The following ZNF277 variants were observed in gnomAD, a reference collection of about 807,000 sequenced individuals.
The protein encoded by ZNF277 is nuclear receptor-interacting factor 4.
Under a neutral mutation model 60.7 loss-of-function variants are expected in ZNF277, and 55 were observed. The observed-to-expected ratio is 0.91, with a 90% CI of 0.73 to 1.13. ZNF277 has a LOEUF of 1.13. ZNF277 is among the 50% of genes most tolerant of loss of function. The pLI is 0.00. For synonymous variants in ZNF277, 178 were observed against 179.3 expected (o/e 0.99, Z 0.06); for missense variants, 510 against 523.0 (o/e 0.98, Z 0.24).
chr7:112,316,477 G>C (rs1013978072), intron 4 of ZNF277, among the ~76,000 whole-genome samples: 2 of 151,918 alleles, frequency 1.3e-5, no homozygotes, highest in African/African-American at 4.8e-5. Context: ...TTGTCAGATG[G>C]ATAGATTGCA....
At chr7:112,246,005 C>T (rs1050065112) in intron 1 of ZNF277, among the ~76,000 whole-genome samples, 2 of 152,128 alleles carry the variant, frequency 1.3e-5, no homozygotes, top group Non-Finnish European at 2.9e-5. Flanking sequence ...GGAAAGTCTT[C>T]TGTTTTCCTT....
At chr7:112,267,645 C>T (rs564102272) in intron 1 of ZNF277, among the ~76,000 whole-genome samples, 3 of 152,266 alleles carry the variant, frequency 2.0e-5, no homozygotes, top group African/African-American at 7.2e-5. Context: ...TAAACATCCC[C>T]TTCATTTTCT....
intron 1 of ZNF277, among the ~76,000 whole-genome samples, chr7:112,246,051 G>A (rs1418731857): frequency 6.6e-6 from 1 of 152,078 alleles, no homozygotes; most frequent in African/African-American, 2.4e-5. Context: ...GAATGTCCAG[G>A]TAGTTCTCAA....
chr7:112,287,340 A>C, intron 2 of ZNF277: 1 of 382,020 alleles, frequency 2.6e-6, no homozygotes, highest in Non-Finnish European at 4.7e-6. Context: ...ATACCATTGC[A>C]CTCCAGCCTG....
intron 1 of ZNF277, among the ~76,000 whole-genome samples, chr7:112,226,162 C>T (rs1024153507): frequency 6.6e-6 from 1 of 152,150 alleles, no homozygotes; most frequent in African/African-American, 2.4e-5. Flanking sequence ...CCAAACAGTT[C>T]CATCTGTAAA....
chr7:112,295,780 A>G, intron 2 of ZNF277, 89 bp from the exon 3 acceptor site: 1 of 999,220 alleles, frequency 1.0e-6, no homozygotes, highest in Non-Finnish European at 1.5e-6. Context: ...TTGCTTTGGG[A>G]TGAGTGAATG....
intron 1 of ZNF277, among the ~76,000 whole-genome samples, chr7:112,236,214 A>G (rs1428351431): frequency 6.6e-6 from 1 of 152,106 alleles, no homozygotes; most frequent in African/African-American, 2.4e-5. Context: ...TATCTTTGAC[A>G]TAACCTGCTG....
At chr7:112,289,780 A>G (rs1359042879) in intron 2 of ZNF277, among the ~76,000 whole-genome samples, 1 of 152,088 alleles carries the variant, frequency 6.6e-6, no homozygotes, top group Non-Finnish European at 1.5e-5. Context: ...GCTGGAGTGC[A>G]GTGGCACGAC....
rs770795222 is a variant in ZNF277, at chr7:112,330,068, T to C, written c.669-16T>C. 11 of 1,602,894 alleles carry C rather than the reference T, an allele frequency of 6.9e-6. No individual in the cohort carries two copies. The highest frequency in any genetic ancestry group is 9.3e-6 in the Non-Finnish European group (11 of 1,176,858). ...TACAAGAGACTTGTTTATCAGTGTTTGTGTATTTCTTGTAGTTTGCAGTGC... is the reference window on the plus strand; with the variant it reads ...TACAAGAGACTTGTTTATCAGTGTTCGTGTATTTCTTGTAGTTTGCAGTGC... On this transcript the variant is annotated splice_polypyrimidine_tract_variant and intron_variant, in intron 6 of 11. Transcript: ENST00000361822.
chr7:112,273,085 C>T (rs912345193), intron 1 of ZNF277, among the ~76,000 whole-genome samples: 1 of 152,218 alleles, frequency 6.6e-6, no homozygotes, highest in African/African-American at 2.4e-5. Context: ...CACTGGGTCA[C>T]ATGCTCCCCA....
chr7:112,274,688 G>T (rs982494131), intron 1 of ZNF277, among the ~76,000 whole-genome samples: 2 of 152,108 alleles, frequency 1.3e-5, no homozygotes, highest in Admixed American at 6.5e-5. Flanking sequence ...TCAGATAGGT[G>T]ATTTACAATT....
At chr7:112,317,481 G>C (rs977645131) in intron 4 of ZNF277, among the ~76,000 whole-genome samples, 1 of 152,050 alleles carries the variant, frequency 6.6e-6, no homozygotes, top group Admixed American at 6.6e-5. Context: ...ATCTTGATTA[G>C]CAGATAAGAT....
At chr7:112,206,850 T>A in intron 1 of ZNF277, 43 bp downstream of exon 1, 1 of 1,590,500 alleles carries the variant, frequency 6.3e-7, no homozygotes. Context: ...TGTCTTCCTT[T>A]CTCTATGACC....
intron 1 of ZNF277, among the ~76,000 whole-genome samples, chr7:112,274,066 T>C (rs1329140210): frequency 6.6e-6 from 1 of 151,446 alleles, no homozygotes; most frequent in African/African-American, 2.4e-5. Context: ...TATATCTTGT[T>C]AGAAAAGTTT....
intron 1 of ZNF277, among the ~76,000 whole-genome samples, chr7:112,224,460 A>G (rs1199957388): frequency 6.6e-6 from 1 of 152,260 alleles, no homozygotes; most frequent in African/African-American, 2.4e-5. Flanking sequence ...TTCCTAATAC[A>G]ACATGGAAAA....
At chr7:112,282,913 C>T (rs1479690804) in intron 1 of ZNF277, among the ~76,000 whole-genome samples, 1 of 152,184 alleles carries the variant, frequency 6.6e-6, no homozygotes, top group Non-Finnish European at 1.5e-5. Context: ...GAATCTCCTT[C>T]ATAGGGTTAT....
rs1320544003 is a variant in ZNF277, at chr7:112,343,593, C to A, written c.*864C>A. Reference sequence around the variant, plus strand: ...AGAATATCACTTTTGTAGATTTATACCAAAAATGCATAATTTGGATATAAT... The same window carrying A: ...AGAATATCACTTTTGTAGATTTATAACAAAAATGCATAATTTGGATATAAT... On this transcript the variant is annotated 3_prime_UTR_variant, in exon 12 of 12. Transcript: ENST00000361822. 6.6e-6 allele frequency among the ~76,000 whole-genome samples: 1 copy of A among 152,042 alleles called. No homozygotes were observed. The highest frequency in any genetic ancestry group is 1.9e-4 in the East Asian group (1 of 5,182).
At chr7:112,224,116 G>A (rs556379612) in intron 1 of ZNF277, among the ~76,000 whole-genome samples, 36 of 152,232 alleles carry the variant, frequency 2.4e-4, no homozygotes, top group African/African-American at 6.0e-4. Context: ...ATCTGGTAGC[G>A]GGTAGTATTA....
At chr7:112,295,100 C>T (rs1792294674) in intron 2 of ZNF277, among the ~76,000 whole-genome samples, 1 of 150,796 alleles carries the variant, frequency 6.6e-6, no homozygotes, top group Admixed American at 6.6e-5. Context: ...TTTCCTCTCT[C>T]TATGAAGATA....
Sources: allele counts gnomAD v4.1 joint callset (sites outside exome capture counted in the v4.1 genomes callset), GRCh38; gene constraint gnomAD v4.1.1; transcripts MANE v1.5; gene names NCBI Gene and HGNC (gene_info 2026-07-23, HGNC 2026-07-21).